Variants in HECTD4 observed in about 807,000 individuals in gnomAD.
HECTD4 encodes the protein HECT domain E3 ubiquitin protein ligase 4.
HECTD4 carries 114 observed loss-of-function variants against 471.5 expected under a neutral mutation model. The ratio of observed to expected loss-of-function variants is 0.24; its 90% confidence interval spans 0.21 to 0.28. The LOEUF (loss-of-function observed/expected upper bound fraction) is 0.28, where lower values mean the gene tolerates loss of function less well. Among genes scored for constraint, HECTD4 ranks in the 10% least tolerant of loss-of-function variants. The probability of loss-of-function intolerance (pLI) is 1.00; values close to 1 mark genes in which losing one functional copy is unlikely to be tolerated. For missense variants in HECTD4, 3,866 were observed against 5,651.5 expected (o/e 0.68, Z 10.13); for synonymous variants, 2,012 against 2,256.0 (o/e 0.89, Z 3.07).
chr12:112,285,222 C>T (rs1363695015), intron 7 of HECTD4, among the ~76,000 whole-genome samples: 1 of 152,114 alleles, frequency 6.6e-6, no homozygotes, highest in African/African-American at 2.4e-5. Flanking sequence ...AGTCCCTGCC[C>T]TCCTTCCTGT....
chr12:112,323,690 G>A (rs1487121799), intron 1 of HECTD4, among the ~76,000 whole-genome samples: 1 of 151,952 alleles, frequency 6.6e-6, no homozygotes, highest in Non-Finnish European at 1.5e-5. Flanking sequence ...GGGATAGTAT[G>A]AGGGAGTTTT....
In HECTD4 at chr12:112,382,101, C is replaced by T; in HGVS notation, c.28G>A (p.Ala10Thr). Residue 10 changes from alanine (A) to threonine (T), a missense_variant, in exon 1 of 76, where the codon GCG becomes ACG. Around this residue, in one of 16 missense-constraint regions of HECTD4, gnomAD observed 440 missense variants for 636.0 expected, o/e 0.69. Transcript: ENST00000682272. MGSSAAAAA[A>T]AAAAADSAQW... ...GCCGAGTCAGCGGCCGCCGCCGCCG[C>T]CGCCGCCGCGGCCGCCGACGAGCCC... 8.2e-7 allele frequency: 1 copy of T among 1,226,960 alleles called. No homozygotes were observed. Among genetic ancestry groups the T allele is most frequent in the Non-Finnish European group, 1.0e-6 (1 of 985,948 alleles). 76.0% of individuals were successfully genotyped at this position (1,226,960 alleles called of 1,614,324 possible). A position where few individuals can be genotyped will look rare whatever the true frequency, so the allele number is the denominator to read the frequency against.
chr12:112,323,735 G>T (rs2035631898), intron 1 of HECTD4, among the ~76,000 whole-genome samples: 2 of 151,722 alleles, frequency 1.3e-5, no homozygotes, highest in South Asian at 4.2e-4. Flanking sequence ...CCCAGTTGTG[G>T]TGGTGGTTAC....
intron 34 of HECTD4, among the ~76,000 whole-genome samples, chr12:112,238,788 A>G (rs1195225658): frequency 6.6e-6 from 1 of 152,136 alleles, no homozygotes; most frequent in African/African-American, 2.4e-5. Flanking sequence ...TGACAAGGAG[A>G]GAATAAAAAA....
intron 60 of HECTD4, 30 bp downstream of exon 60, chr12:112,190,756 G>A: frequency 6.5e-7 from 1 of 1,535,866 alleles, no homozygotes; most frequent in African/African-American, 1.4e-5. Flanking sequence ...CCCCACCCTA[G>A]ATTCCGATCC....
At chr12:112,306,265 G>A in intron 6 of HECTD4, 31 bp from the exon 7 acceptor site, 1 of 1,445,960 alleles carries the variant, frequency 6.9e-7, no homozygotes, top group Non-Finnish European at 9.1e-7. Context: ...ATCTCCATTA[G>A]AGCCACATAT....
rs1183698234 is a variant in HECTD4 at position 112,243,493 on chromosome 12, A to G, written c.4818T>C (p.Ala1606=). The G allele has an allele frequency of 1.9e-6, 3 of 1,605,904 alleles. No homozygotes were observed. Among genetic ancestry groups the G allele is most frequent in the Non-Finnish European group, 2.6e-6 (3 of 1,176,220 alleles). The change falls in exon 32 of 76, where the codon GCT becomes GCC. Residue 1606 remains alanine, a synonymous_variant. Transcript: ENST00000682272. The surrounding 1 kb of genome is among the most constrained non-coding windows in gnomAD (Gnocchi z 6.6). ...QAVSSSSFLL[A]AQTRWRRGNT... ...TTCCCCGCCGCCACCTTGTCTGTGC[A>G]GCCAAAAGGAAACTGCTGCTGGACA...
chr12:112,227,397 T>C (rs1376345063), intron 43 of HECTD4, among the ~76,000 whole-genome samples: 2 of 151,380 alleles, frequency 1.3e-5, no homozygotes, highest in African/African-American at 4.9e-5. Context: ...GAGGCAGAGG[T>C]TGCAGTGAGC....
chr12:112,245,641 C>T (rs1265898985), intron 29 of HECTD4, among the ~76,000 whole-genome samples: 1 of 152,196 alleles, frequency 6.6e-6, no homozygotes, highest in East Asian at 1.9e-4. Context: ...GGGATGAAAA[C>T]AAGTTTGCCT....
At position 112,210,239 on chromosome 12, in the gene HECTD4, C is replaced by T. The variant is rs371361328; in HGVS notation, c.7643G>A (p.Arg2548Gln). The T allele has an allele frequency of 9.9e-6, 16 of 1,613,690 alleles. No individual in the cohort carries two copies. The highest frequency in any genetic ancestry group is 1.6e-4 in the Middle Eastern group (1 of 6,082). The change falls in exon 50 of 76, where the codon CGA becomes CAA. Residue 2548 changes from arginine (R) to glutamine (Q), a missense_variant. Around this residue, in one of 16 missense-constraint regions of HECTD4, gnomAD observed 617 missense variants for 915.1 expected, o/e 0.67. Transcript: ENST00000682272. ...AAACGGCCGGGAGCCAAAGTTAGCT[C>T]GGGTTTTGGTGTTCTGGAAAGGAGA... The part of the protein sequence containing the change: ...VHIQKKNTKT[R>Q]ANFGSRPFAY...
intron 54 of HECTD4, 58 bp from the exon 55 acceptor site, chr12:112,200,856 C>CAGGT (rs1406177872): frequency 1.0e-5 from 15 of 1,484,312 alleles, no homozygotes; most frequent in East Asian, 9.4e-5. Context: ...TCCATGTGTG[C>CAGGT]GTGCGTGCGT....
At chr12:112,240,125 A>C in intron 32 of HECTD4, 98 bp from the exon 33 acceptor site, 15 of 1,196,386 alleles carry the variant, frequency 1.3e-5, no homozygotes, top group Non-Finnish European at 1.7e-5. Context: ...TATCTGGATG[A>C]ATCCAGAACT....
intron 64 of HECTD4, among the ~76,000 whole-genome samples, chr12:112,178,491 T>C (rs984557639): frequency 3.9e-5 from 6 of 152,208 alleles, no homozygotes; most frequent in African/African-American, 1.4e-4. Flanking sequence ...AACTCTGATG[T>C]TCACCTGATG....
In HECTD4 at chr12:112,161,445, T is replaced by C. The variant is rs7968051; in HGVS notation, c.*942A>G. On this transcript the variant is annotated 3_prime_UTR_variant, in exon 76 of 76. Transcript: ENST00000682272. ...GCACCTCAGTCCACTCTTTTGAAAA[T>C]GGGTGTGGCCCTTTCCCTTGTCCTA... 1 of 152,054 alleles carries C rather than the reference T, an allele frequency of 6.6e-6. No individual in the cohort carries two copies. Among genetic ancestry groups the C allele is most frequent in the East Asian group, 1.9e-4 (1 of 5,172 alleles). The allele number at this position is 152,054 out of a possible 1,614,324, so 9.4% of individuals were successfully genotyped here.
rs778890478 is a variant in HECTD4, at chr12:112,279,426, C to T, written c.1529-40G>A. The T allele has an allele frequency of 5.9e-6, 9 of 1,536,794 alleles. No homozygotes were observed. In the African/African-American group the frequency reaches 1.1e-4, roughly 19 times the overall value. ...GAAAATGCTAAATCAAAATATTTGA[C>T]ACAAAAGTTAATTTGATTACCAACA... On this transcript the variant is annotated intron_variant, in intron 8 of 75. Coordinates refer to ENST00000682272, the MANE Select transcript of HECTD4 (RefSeq NM_001388303.1).
chr12:112,376,475 T>C lies in HECTD4; in HGVS notation c.177+5477A>G, dbSNP rs1012264484. 3.9e-5 allele frequency among the ~76,000 whole-genome samples: 6 copies of C among 152,226 alleles called. No individual in the cohort carries two copies. In the East Asian group the frequency reaches 5.8e-4, roughly 15 times the overall value. ...GTTAGCCAGGATGGTCTCGATCTCC[T>C]GACCTCGTGATCTGCCCGCCGTGGC... On this transcript the variant is annotated intron_variant, in intron 1 of 75. Coordinates refer to ENST00000682272, the MANE Select transcript of HECTD4 (RefSeq NM_001388303.1).
intron 22 of HECTD4, 149 bp downstream of exon 22, chr12:112,253,894 G>C: frequency 6.0e-6 from 4 of 664,964 alleles, no homozygotes; most frequent in Non-Finnish European, 1.0e-5. Flanking sequence ...TGAATAGAAG[G>C]AGTGAGCTGA....
chr12:112,342,920 ACTT>A (rs1290512584), intron 1 of HECTD4, among the ~76,000 whole-genome samples: 1 of 152,246 alleles, frequency 6.6e-6, no homozygotes, highest in Non-Finnish European at 1.5e-5. Flanking sequence ...AAAAAATTTT[ACTT>A]CTTAGAAAGT....
intron 1 of HECTD4, among the ~76,000 whole-genome samples, chr12:112,334,637 C>CAAAAAAA (rs869292531): frequency 2.9e-4 from 13 of 45,264 alleles, no homozygotes; most frequent in South Asian, 7.9e-4. Context: ...ACTAAAAATA[C>CAAAAAAA]AAAAAAAAAA....
Sources: allele counts gnomAD v4.1 joint callset (sites outside exome capture counted in the v4.1 genomes callset), GRCh38; gene constraint gnomAD v4.1.1; regional missense constraint gnomAD v4.1.1; non-coding constraint Gnocchi (gnomAD v3.1); transcripts MANE v1.5; gene names NCBI Gene and HGNC (gene_info 2026-07-23, HGNC 2026-07-21).